The following ZNF420 variants were observed in gnomAD, a reference collection of about 807,000 sequenced individuals.
The protein encoded by ZNF420 is ATM and p53-associated KZNF protein.
Under a neutral mutation model 44.7 loss-of-function variants are expected in ZNF420, and 31 were observed. That is an observed-to-expected ratio of 0.69 (90% CI 0.52 to 0.94). ZNF420 has a LOEUF of 0.94. Among genes scored for constraint, ZNF420 ranks in the 40% least tolerant of loss-of-function variants. The pLI is 0.00. For synonymous variants in ZNF420, 245 were observed against 267.4 expected (o/e 0.92, Z 0.82); for missense variants, 681 against 827.9 (o/e 0.82, Z 2.18).
chr19:37,067,377 C>T (rs866788944), intron 1 of ZNF420, among the ~76,000 whole-genome samples: 2 of 152,134 alleles, frequency 1.3e-5, no homozygotes, highest in South Asian at 2.1e-4. Context: ...GTAAAGTATA[C>T]GATGTCTACA....
Position 37,127,459 on chromosome 19 carries a change from A to G in ZNF420, c.468A>G (p.Gln156=). The change falls in exon 5 of 5, where the codon CAA becomes CAG. Residue 156 remains glutamine (Q), a synonymous_variant. Coordinates refer to ENST00000337995, the MANE Select transcript of ZNF420 (RefSeq NM_144689.5). ...KAFRRASHLT[Q]HQSIHTGEKP... ...TCAGACGAGCCTCACACCTAACACAACATCAAAGTATTCATACTGGTGAAA... is the reference window on the plus strand; with the variant it reads ...TCAGACGAGCCTCACACCTAACACAGCATCAAAGTATTCATACTGGTGAAA... 2 of 1,614,092 alleles carry G rather than the reference A, an allele frequency of 1.2e-6. No individual in the cohort carries two copies. The highest frequency in any genetic ancestry group is 1.7e-6 in the Non-Finnish European group (2 of 1,179,968).
At chr19:37,071,911 T>C (rs1968065327) in intron 1 of ZNF420, among the ~76,000 whole-genome samples, 1 of 152,236 alleles carries the variant, frequency 6.6e-6, no homozygotes, top group South Asian at 2.1e-4. Flanking sequence ...GTATCTACTC[T>C]ATATTTAATA....
rs1448072943 is a variant in ZNF420, at chr19:37,129,955, G to A, written c.*897G>A. 2 of 1,409,812 alleles carry A rather than the reference G, an allele frequency of 1.4e-6. No individual in the cohort carries two copies. Among genetic ancestry groups the A allele is most frequent in the East Asian group, 2.7e-5 (1 of 37,516 alleles). 87.3% of individuals were successfully genotyped at this position (1,409,812 alleles called of 1,614,324 possible). On this transcript the variant is annotated 3_prime_UTR_variant, in exon 5 of 5. Coordinates refer to ENST00000337995, the MANE Select transcript of ZNF420 (RefSeq NM_144689.5). ...TATTTTGCAATGAAAAATGATGAGA[G>A]TTTGTGATACAGACTGCTTTTTTCC...
At position 37,128,917 on chromosome 19, in the gene ZNF420, A is replaced by T. The variant is rs766813561; in HGVS notation, c.1926A>T (p.Pro642=). The T allele has an allele frequency of 3.1e-6, 5 of 1,613,778 alleles. No homozygotes were observed. The highest frequency in any genetic ancestry group is 4.2e-6 in the Non-Finnish European group (5 of 1,179,920). ...RHQRIHTGEK[P]YQCKECGKAF... ...AGAGAATTCATACTGGTGAGAAACC[A>T]TATCAATGTAAGGAATGTGGGAAGG... The change falls in exon 5 of 5, where the codon CCA becomes CCT. Residue 642 remains proline, a synonymous_variant. Coordinates refer to ENST00000337995, the MANE Select transcript of ZNF420 (RefSeq NM_144689.5).
intron 1 of ZNF420, among the ~76,000 whole-genome samples, chr19:37,042,183 G>A (rs941105641): frequency 6.6e-6 from 1 of 152,142 alleles, no homozygotes; most frequent in Non-Finnish European, 1.5e-5. Flanking sequence ...ATTTTTAATA[G>A]AGACAGGGTT....
At chr19:37,038,564 C>G (rs1967397678) in intron 1 of ZNF420, among the ~76,000 whole-genome samples, 1 of 152,186 alleles carries the variant, frequency 6.6e-6, no homozygotes, top group Non-Finnish European at 1.5e-5. Context: ...GTTGTTCTTT[C>G]AACAATGTTG....
chr19:37,028,272 G>A (rs1967189592), intron 1 of ZNF420, among the ~76,000 whole-genome samples: 1 of 152,208 alleles, frequency 6.6e-6, no homozygotes, highest in African/African-American at 2.4e-5. Flanking sequence ...TTGCTGTGAT[G>A]ATAGGAAGCT....
intron 4 of ZNF420, chr19:37,107,130 C>A (rs1383032961): frequency 3.3e-5 from 5 of 152,168 alleles, no homozygotes; most frequent in African/African-American, 1.2e-4. Context: ...TGCAAAGAGG[C>A]CTTCCTCTTT....
intron 1 of ZNF420, chr19:37,025,017 T>A: frequency 1.8e-5 from 4 of 219,300 alleles, no homozygotes; most frequent in Non-Finnish European, 4.0e-5. Flanking sequence ...AAGGCCTGAG[T>A]TGAGCCTAAA....
chr19:37,088,861 GTA>G (rs1343521988), intron 2 of ZNF420, among the ~76,000 whole-genome samples, 176 bp from the exon 3 acceptor site: 1 of 152,048 alleles, frequency 6.6e-6, no homozygotes, highest in African/African-American at 2.4e-5. Flanking sequence ...TTTTCTTTTT[GTA>G]TATAGAAAGC....
In ZNF420 at chr19:37,123,599, CTTTTTTT is replaced by C. The variant is rs762782458; in HGVS notation, c.137-3512_137-3506del. ...CTTCTTTATTTTCTTTTACTCTTGT[CTTTTTTT>C]TTTTTTTTTTTTTTTTGAGCGGAGT... On this transcript the variant is annotated intron_variant, in intron 4 of 4. Transcript: ENST00000337995. 8.7e-5 allele frequency among the ~76,000 whole-genome samples: 7 copies of C among 80,358 alleles called. 1 individual carries two copies. The highest frequency in any genetic ancestry group is 3.5e-4 in the Admixed American group (2 of 5,692). 52.7% of individuals were successfully genotyped at this position (80,358 alleles called of 152,430 possible).
At chr19:37,056,334 C>G (rs541407951) in intron 1 of ZNF420, among the ~76,000 whole-genome samples, 1 of 152,264 alleles carries the variant, frequency 6.6e-6, no homozygotes, top group South Asian at 2.1e-4. Context: ...AGGGAGGTCA[C>G]CTGTGCCCCC....
intron 4 of ZNF420, among the ~76,000 whole-genome samples, chr19:37,118,211 G>A (rs1181888792): frequency 3.3e-5 from 5 of 152,216 alleles, no homozygotes; most frequent in African/African-American, 9.6e-5. Context: ...AAATGTTAAG[G>A]GCAGCCAGAG....
chr19:37,048,965 T>C (rs1281775826), intron 1 of ZNF420, among the ~76,000 whole-genome samples: 1 of 149,308 alleles, frequency 6.7e-6, no homozygotes, highest in Non-Finnish European at 1.5e-5. Context: ...GAACATGTGG[T>C]GTTTGGTTTT....
At chr19:37,048,405 A>G (rs186929985) in intron 1 of ZNF420, among the ~76,000 whole-genome samples, 1 of 152,228 alleles carries the variant, frequency 6.6e-6, no homozygotes, top group Non-Finnish European at 1.5e-5. Context: ...AACCAAAAAG[A>G]AATATTGATT....
chr19:37,068,221 T>C (rs1299388088), intron 1 of ZNF420, among the ~76,000 whole-genome samples: 2 of 152,018 alleles, frequency 1.3e-5, no homozygotes, highest in Non-Finnish European at 2.9e-5. Context: ...ATAAATAGAA[T>C]GCATATTACC....
intron 1 of ZNF420, among the ~76,000 whole-genome samples, chr19:37,023,629 G>A (rs2074665218): frequency 6.6e-6 from 1 of 152,172 alleles, no homozygotes; most frequent in Non-Finnish European, 1.5e-5. Context: ...GCCTCCCAAA[G>A]TGCTGGGATT....
Position 37,129,981 on chromosome 19 carries a change from T to C in ZNF420, c.*923T>C, listed in dbSNP as rs1442414673. ...TTTGTGATACAGACTGCTTTTTTCCTACCCTATATCTATTTTCTCTTTTTT... is the reference window on the plus strand; with the variant it reads ...TTTGTGATACAGACTGCTTTTTTCCCACCCTATATCTATTTTCTCTTTTTT... On this transcript the variant is annotated 3_prime_UTR_variant, in exon 5 of 5. Coordinates refer to ENST00000337995, the MANE Select transcript of ZNF420 (RefSeq NM_144689.5). 6.8e-7 allele frequency: 1 copy of C among 1,462,828 alleles called. No individual in the cohort carries two copies. The highest frequency in any genetic ancestry group is 9.0e-7 in the Non-Finnish European group (1 of 1,106,044). The allele number at this position is 1,462,828 out of a possible 1,614,324, so 90.6% of individuals were successfully genotyped here.
At chr19:37,029,577 T>C (rs900547718) in intron 1 of ZNF420, among the ~76,000 whole-genome samples, 5 of 151,620 alleles carry the variant, frequency 3.3e-5, no homozygotes, top group African/African-American at 1.2e-4. Context: ...AATCAAAGTC[T>C]CGGCCTGTCA....
Sources: gnomAD v4.1 joint callset for allele counts (sites outside exome capture counted in the v4.1 genomes callset) on GRCh38, gnomAD v4.1.1 for gene constraint, MANE v1.5 for transcripts, NCBI Gene and HGNC (gene_info 2026-07-23, HGNC 2026-07-21) for gene names.